The following ZNF486 variants were observed in gnomAD, a reference collection of about 807,000 sequenced individuals.
The protein encoded by ZNF486 is zinc finger protein 486, also known as KRAB box only protein 2.
A neutral mutation model predicts 12.8 loss-of-function variants in ZNF486; 12 were observed. The observed-to-expected ratio is 0.94, with a 90% CI of 0.60 to 1.52. ZNF486 has a LOEUF of 1.52. Among genes scored for constraint, ZNF486 ranks in the 40% most tolerant of loss-of-function variants. The probability of loss-of-function intolerance (pLI) is 0.00; values close to 1 mark genes in which losing one functional copy is unlikely to be tolerated. For synonymous variants in ZNF486, 231 were observed against 184.9 expected, an observed-to-expected ratio of 1.25 and a Z score of -2.02; for missense variants, 738 against 545.0, an observed-to-expected ratio of 1.35 and a Z score of -3.53.
chr19:20,176,897 A>C (rs1266535829), intron 1 of ZNF486: 1 of 152,308 alleles, frequency 6.6e-6, no homozygotes, highest in Non-Finnish European at 1.5e-5. Flanking sequence ...AGGCTGTCAC[A>C]GTGAGAACTT....
chr19:20,198,123 A>T lies in ZNF486; in HGVS notation c.*21A>T. ...CGTGACAAAGGATTATTTTATTATT[A>T]TTATTTTTTTGAGAGGTAATTCTGC... On this transcript the variant is annotated 3_prime_UTR_variant, in exon 4 of 4. Coordinates refer to ENST00000335117, the MANE Select transcript of ZNF486 (RefSeq NM_052852.4). The T allele has an allele frequency of 1.3e-6, 2 of 1,517,778 alleles. No individual in the cohort carries two copies. The highest frequency in any genetic ancestry group is 1.8e-6 in the Non-Finnish European group (2 of 1,133,942). 94.0% of individuals were successfully genotyped at this position (1,517,778 alleles called of 1,614,324 possible). A position where few individuals can be genotyped will look rare whatever the true frequency, so the allele number is the denominator to read the frequency against.
intron 1 of ZNF486, among the ~76,000 whole-genome samples, chr19:20,169,102 G>A (rs1295274718): frequency 6.6e-6 from 1 of 151,930 alleles, no homozygotes; most frequent in Non-Finnish European, 1.5e-5. Context: ...GCCTCCCGAA[G>A]TGGTGGGGTT....
chr19:20,197,311 A>T lies in ZNF486; in HGVS notation c.601A>T (p.Lys201Ter), dbSNP rs1482669920. 2 of 1,611,654 alleles carry T rather than the reference A, an allele frequency of 1.2e-6. No homozygotes were observed. The highest frequency in any genetic ancestry group is 4.5e-5 in the East Asian group (2 of 44,870). ...CCAGTCCTCAACCCATACTACACAT[A>T]AAAAAATTGATACTGGAGAGAAACC... The part of the protein sequence containing the change: ...FNQSSTHTTH[K>*]KIDTGEKPYK... The change falls in exon 4 of 4, where the codon AAA becomes TAA. Residue 201 changes from lysine (K) to a stop codon, truncating the protein, a stop_gained. Coordinates refer to ENST00000335117, the MANE Select transcript of ZNF486 (RefSeq NM_052852.4). LOFTEE classifies it low-confidence loss of function (END_TRUNC).
chr19:20,168,217 G>A (rs2089606585), intron 1 of ZNF486, among the ~76,000 whole-genome samples: 1 of 152,134 alleles, frequency 6.6e-6, no homozygotes, highest in Admixed American at 6.5e-5. Context: ...AAATTAGCCA[G>A]GTGTGGTGGC....
At chr19:20,172,045 T>C (rs113089355) in intron 1 of ZNF486, among the ~76,000 whole-genome samples, 15 of 152,178 alleles carry the variant, frequency 9.9e-5, no homozygotes, top group Admixed American at 2.6e-4. Flanking sequence ...GCTCTTGTTG[T>C]CCAGGCTGGA....
At chr19:20,173,214 T>A (rs1016364617) in intron 1 of ZNF486, among the ~76,000 whole-genome samples, 36 of 152,234 alleles carry the variant, frequency 2.4e-4, no homozygotes, top group South Asian at 4.1e-4. Flanking sequence ...TTTAAGTCTT[T>A]AATTTATCTT....
chr19:20,178,708 G>C (rs1234383906), intron 1 of ZNF486, among the ~76,000 whole-genome samples: 1 of 152,194 alleles, frequency 6.6e-6, no homozygotes, highest in East Asian at 1.9e-4. Context: ...TAAATATGCA[G>C]GCAGAATTGT....
intron 1 of ZNF486, among the ~76,000 whole-genome samples, chr19:20,177,660 C>T (rs899143962): frequency 3.9e-5 from 6 of 152,160 alleles, no homozygotes; most frequent in East Asian, 3.9e-4. Context: ...TCACTAACCC[C>T]GCCTCCCAGG....
rs371673406 is a variant in ZNF486, at chr19:20,197,490, T to C, written c.780T>C (p.His260=). 304 of 1,609,040 alleles carry C rather than the reference T, an allele frequency of 1.9e-4. No homozygotes were observed. The highest frequency in any genetic ancestry group is 2.5e-4 in the Non-Finnish European group (292 of 1,177,140). ...GCTTTACTACACATAAGAAAATTCA[T>C]AGTGGAGAGAAACCCTACATTTGTG... ...FSSFTTHKKI[H]SGEKPYICEE... The change falls in exon 4 of 4, where the codon CAT becomes CAC. Residue 260 remains histidine (H), a synonymous_variant. Transcript: ENST00000335117.
intron 3 of ZNF486, among the ~76,000 whole-genome samples, chr19:20,194,689 T>C (rs544599449): frequency 1.1e-4 from 17 of 152,142 alleles, no homozygotes; most frequent in Admixed American, 1.1e-3. Flanking sequence ...GATTGCATCA[T>C]TGCACTCCAG....
At chr19:20,186,875 CT>C (rs1392809290) in intron 3 of ZNF486, among the ~76,000 whole-genome samples, 1 of 146,140 alleles carries the variant, frequency 6.8e-6, no homozygotes, top group African/African-American at 2.5e-5. Context: ...ACTCTGCCTC[CT>C]GGGTTCAAGC....
chr19:20,184,298 A>G (rs2089817707), intron 1 of ZNF486, 58 bp from the exon 2 acceptor site: 2 of 1,604,300 alleles, frequency 1.2e-6, no homozygotes, highest in South Asian at 1.1e-5. Flanking sequence ...TTCACCTTAA[A>G]TTAAAAATTC....
chr19:20,192,323 A>G (rs1274906822), intron 3 of ZNF486, among the ~76,000 whole-genome samples: 2 of 151,936 alleles, frequency 1.3e-5, no homozygotes, highest in Non-Finnish European at 2.9e-5. Flanking sequence ...TTATGTATTT[A>G]TTTTGAGACA....
At chr19:20,179,914 A>T (rs897218479) in intron 1 of ZNF486, among the ~76,000 whole-genome samples, 2 of 152,230 alleles carry the variant, frequency 1.3e-5, no homozygotes, top group Admixed American at 6.5e-5. Context: ...CACAACTATA[A>T]TTACCTGTAA....
Position 20,197,229 on chromosome 19 carries a change from AAG to A in ZNF486, c.521_522del (p.Arg174LysfsTer4). The A allele has an allele frequency of 6.2e-7, 1 of 1,613,046 alleles. No individual in the cohort carries two copies. The highest frequency in any genetic ancestry group is 8.5e-7 in the Non-Finnish European group (1 of 1,179,762). ...AATTTTCAAATTCAAAGAGACATAA[AAG>A]AAGACATACTGAAAAAAAACCTTTG... ...HQFSNSKRHKRRHTEKKPLKY... is the reference protein window; with the variant it reads ...HQFSNSKRHKXRHTEKKPLKY... On this transcript the variant is annotated frameshift_variant, in exon 4 of 4. Transcript: ENST00000335117. LOFTEE classifies it low-confidence loss of function (END_TRUNC).
intron 1 of ZNF486, among the ~76,000 whole-genome samples, chr19:20,175,658 A>G (rs1236984815): frequency 6.6e-6 from 1 of 152,146 alleles, no homozygotes; most frequent in Non-Finnish European, 1.5e-5. Flanking sequence ...GTAAGGTCAG[A>G]GATCAACAGG....
Position 20,177,359 on chromosome 19 carries a change from T to G in ZNF486, c.31-6997T>G, listed in dbSNP as rs373587379. On this transcript the variant is annotated intron_variant, in intron 1 of 3. Transcript: ENST00000335117. The stretch of plus-strand genomic sequence containing the variant: ...CTTCAAGCTGCTAAAATAACTCCTG[T>G]TATGAAGATGTGAAAAGTTTATTTG... 2.4e-4 allele frequency among the ~76,000 whole-genome samples: 36 copies of G among 152,374 alleles called. 2 individuals are homozygous for G. The East Asian group carries it at 4.6e-3, about 20-fold the overall frequency.
At chr19:20,168,336 G>C (rs1036583481) in intron 1 of ZNF486, among the ~76,000 whole-genome samples, 1 of 150,590 alleles carries the variant, frequency 6.6e-6, no homozygotes, top group South Asian at 2.1e-4. Flanking sequence ...TTAAGTGTGC[G>C]TGACAGAGCA....
chr19:20,172,193 G>T (rs922577188), intron 1 of ZNF486, among the ~76,000 whole-genome samples: 3 of 151,918 alleles, frequency 2.0e-5, no homozygotes, highest in Non-Finnish European at 2.9e-5. Context: ...AGTAGAGACA[G>T]GATTTCTCCA....
Sources: allele counts gnomAD v4.1 joint callset (sites outside exome capture counted in the v4.1 genomes callset), GRCh38; gene constraint gnomAD v4.1.1; transcripts MANE v1.5; gene names NCBI Gene and HGNC (gene_info 2026-07-23, HGNC 2026-07-21).